Variants in FAM184B observed in about 807,000 individuals in gnomAD.
The protein encoded by FAM184B is family with sequence similarity 184 member B, also known as protein FAM184B.
Under a neutral mutation model 135.9 loss-of-function variants are expected in FAM184B, and 111 were observed. The ratio of observed to expected loss-of-function variants is 0.82; its 90% CI spans 0.70 to 0.96. The LOEUF is 0.96. FAM184B is among the 40% of genes least tolerant of loss of function. The pLI is 0.00. For missense variants in FAM184B, 1,375 were observed against 1,323.9 expected (o/e 1.04, Z -0.60); for synonymous variants, 552 against 524.8 (o/e 1.05, Z -0.71).
At chr4:17,754,381 G>A (rs1336355472) in intron 1 of FAM184B, among the ~76,000 whole-genome samples, 3 of 151,798 alleles carry the variant, frequency 2.0e-5, no homozygotes, top group African/African-American at 4.8e-5. Flanking sequence ...GAGAAACCCC[G>A]TCTCTACTAA....
chr4:17,759,203 C>T (rs1309433587), intron 1 of FAM184B, among the ~76,000 whole-genome samples: 1 of 152,166 alleles, frequency 6.6e-6, no homozygotes, highest in Non-Finnish European at 1.5e-5. Context: ...TGTGTCCCCA[C>T]TGAAATTGCA....
intron 11 of FAM184B, among the ~76,000 whole-genome samples, chr4:17,651,236 A>G (rs1715606934): frequency 2.0e-5 from 3 of 152,212 alleles, no homozygotes; most frequent in African/African-American, 7.2e-5. Flanking sequence ...CAGGCATACA[A>G]CATTGAAATA....
intron 1 of FAM184B, among the ~76,000 whole-genome samples, chr4:17,752,814 C>T (rs6449333): frequency 0.01 from 1,583 of 152,310 alleles, 24 homozygotes; most frequent in African/African-American, 0.036. Flanking sequence ...AAGCTTTGAC[C>T]TGTACCGAAT....
At chr4:17,780,581 C>G (rs1246049032) in intron 1 of FAM184B, among the ~76,000 whole-genome samples, 1 of 152,072 alleles carries the variant, frequency 6.6e-6, no homozygotes, top group Non-Finnish European at 1.5e-5. Flanking sequence ...GCTGACTTCC[C>G]TAGGTCCTTC....
At chr4:17,690,818 G>A (rs570625381) in intron 6 of FAM184B, among the ~76,000 whole-genome samples, 1 of 152,086 alleles carries the variant, frequency 6.6e-6, no homozygotes, top group South Asian at 2.1e-4. Flanking sequence ...GGACAGAAAG[G>A]CTTAAGGCGT....
intron 7 of FAM184B, among the ~76,000 whole-genome samples, chr4:17,685,626 C>T (rs1403843103): frequency 6.6e-6 from 1 of 150,908 alleles, no homozygotes; most frequent in Non-Finnish European, 1.5e-5. Context: ...CCAACAGGCA[C>T]TTGTATTCTG....
At chr4:17,737,291 A>T (rs1175161553) in intron 1 of FAM184B, among the ~76,000 whole-genome samples, 2 of 152,200 alleles carry the variant, frequency 1.3e-5, no homozygotes, top group East Asian at 3.8e-4. Context: ...AGAGAGTTTA[A>T]GAGATCTGGT....
At chr4:17,634,916 G>T in intron 16 of FAM184B, 93 bp downstream of exon 16, 2 of 778,768 alleles carry the variant, frequency 2.6e-6, no homozygotes, top group Non-Finnish European at 4.0e-6. Flanking sequence ...TTTTCTGAGC[G>T]TACACCAGCC....
rs1714902887 is a variant in FAM184B at position 17,630,708 on chromosome 4, A to G, written c.*1824T>C. The G allele has an allele frequency of 6.6e-6, 1 of 152,222 alleles. No homozygotes were observed. The highest frequency in any genetic ancestry group is 1.5e-5 in the Non-Finnish European group (1 of 68,046). 9.4% of individuals were successfully genotyped at this position (152,222 alleles called of 1,614,324 possible). ...AGTGTTTGTTTGCATTTAAAAATGC[A>G]TTGGAGCCTCGTTTTGATTAGGCAG... On this transcript the variant is annotated 3_prime_UTR_variant, in exon 18 of 18. Coordinates refer to ENST00000265018, the MANE Select transcript of FAM184B (RefSeq NM_015688.2).
chr4:17,666,666 A>G (rs1716056756), intron 7 of FAM184B, among the ~76,000 whole-genome samples: 2 of 148,834 alleles, frequency 1.3e-5, no homozygotes, highest in African/African-American at 5.0e-5. Flanking sequence ...CTAAAATCTC[A>G]CCCCCCTCAC....
intron 1 of FAM184B, among the ~76,000 whole-genome samples, chr4:17,755,293 C>A (rs1718393166): frequency 6.6e-6 from 1 of 151,910 alleles, no homozygotes; most frequent in South Asian, 2.1e-4. Context: ...ATACAGCCAG[C>A]AAACATTGAA....
In FAM184B at chr4:17,754,100, C is replaced by T. The variant is rs189333923; in HGVS notation, c.141+27059G>A. Among the ~76,000 whole-genome samples, 9 of 152,208 alleles carry T rather than the reference C, an allele frequency of 5.9e-5. No homozygotes were observed. In the South Asian group the frequency reaches 8.3e-4, roughly 14 times the overall value. ...ACCAGAAGTCAACACAGCAGATTAT[C>T]GTCTAAAATGGTTACTTTAGCTCCA... is the stretch of plus-strand genomic sequence containing the variant. On this transcript the variant is annotated intron_variant, in intron 1 of 17. Transcript: ENST00000265018.
Position 17,705,061 on chromosome 4 carries a change from T to G in FAM184B, c.1316A>C (p.His439Pro). The change falls in exon 5 of 18, where the codon CAC (histidine) becomes CCC (proline). Residue 439 changes from histidine to proline, a missense_variant. By Grantham distance (77) the His-to-Pro change is moderately conservative. Transcript: ENST00000265018. ...VKRLEDLVKK[H>P]TVEIKSVRSS... ...GCGAACGGATTTGATTTCCACGGTGTGCTTCTTTACCAAGTCTTCTAGTCG... is the reference window on the plus strand; with the variant it reads ...GCGAACGGATTTGATTTCCACGGTGGGCTTCTTTACCAAGTCTTCTAGTCG... 1 of 1,551,774 alleles carries G rather than the reference T, an allele frequency of 6.4e-7. No individual in the cohort carries two copies. The highest frequency in any genetic ancestry group is 8.7e-7 in the Non-Finnish European group (1 of 1,147,010).
chr4:17,681,005 G>A (rs758586276), intron 7 of FAM184B, among the ~76,000 whole-genome samples: 10 of 152,070 alleles, frequency 6.6e-5, no homozygotes, highest in Non-Finnish European at 1.5e-4. Flanking sequence ...TGATTACAGG[G>A]GACTGTAATA....
At position 17,738,556 on chromosome 4, in the gene FAM184B, G is replaced by T. The variant is rs1453523711; in HGVS notation, c.142-28912C>A. On this transcript the variant is annotated intron_variant, in intron 1 of 17. Coordinates refer to ENST00000265018, the MANE Select transcript of FAM184B (RefSeq NM_015688.2). The stretch of plus-strand genomic sequence containing the variant: ...TGTCATTATCCTCCTTTTTTCTTTG[G>T]AGAACAAGGAGGACCAATAATTTGC... Among the ~76,000 whole-genome samples the T allele has an allele frequency of 2.6e-5, 4 of 151,714 alleles. No homozygotes were observed. In the East Asian group the frequency reaches 5.8e-4, roughly 22 times the overall value.
intron 1 of FAM184B, among the ~76,000 whole-genome samples, chr4:17,721,609 G>A (rs1051089388): frequency 2.0e-5 from 3 of 152,066 alleles, no homozygotes; most frequent in African/African-American, 7.2e-5. Context: ...CGAGGTGAAG[G>A]GCATTGGCAG....
At position 17,632,563 on chromosome 4, in the gene FAM184B, TG is replaced by T; in HGVS notation, c.3151del (p.Gln1051ArgfsTer32). On this transcript the variant is annotated frameshift_variant, in exon 18 of 18. Transcript: ENST00000265018. LOFTEE classifies it high-confidence loss of function. ...EVQQKQGSPHQEWFTKYFSF is the reference protein window; with the variant it reads ...EVQQKQGSPHXEWFTKYFSF ...AGAAAAGTACTTGGTGAACCATTCC[TG>T]GTGCGGAGAGCCCTGTTTCTGCTGG... The T allele has an allele frequency of 6.4e-7, 1 of 1,551,500 alleles. No homozygotes were observed. Among genetic ancestry groups the T allele is most frequent in the Non-Finnish European group, 8.7e-7 (1 of 1,146,828 alleles).
rs1373862130 is a variant in FAM184B at position 17,635,200 on chromosome 4, T to C, written c.2785-87A>G. ...AAGGAAGATGGCTGTGAGGGCAGAA[T>C]AGAGAAGGAAAGTCCAGGGGAGGAA... is the stretch of plus-strand genomic sequence containing the variant. On this transcript the variant is annotated intron_variant, in intron 15 of 17. Coordinates refer to ENST00000265018, the MANE Select transcript of FAM184B (RefSeq NM_015688.2). 6 of 1,056,128 alleles carry C rather than the reference T, an allele frequency of 5.7e-6. 1 individual carries two copies. The South Asian group carries it at 8.6e-5, about 15-fold the overall frequency. The allele number at this position is 1,056,128 out of a possible 1,614,324, so 65.4% of individuals were successfully genotyped here. A position where few individuals can be genotyped will look rare whatever the true frequency, so the allele number is the denominator to read the frequency against.
chr4:17,763,703 T>C (rs1718596017), intron 1 of FAM184B, among the ~76,000 whole-genome samples: 1 of 152,186 alleles, frequency 6.6e-6, no homozygotes, highest in African/African-American at 2.4e-5. Context: ...TCAGAGGCCA[T>C]CCTTCTCCCA....
Sources: allele counts gnomAD v4.1 joint callset (sites outside exome capture counted in the v4.1 genomes callset), GRCh38; gene constraint gnomAD v4.1.1; transcripts MANE v1.5; gene names NCBI Gene and HGNC (gene_info 2026-07-23, HGNC 2026-07-21).